The following DNAH6 variants were observed in gnomAD, a reference collection of about 807,000 sequenced individuals.
DNAH6 encodes dynein axonemal heavy chain 6.
DNAH6 carries 340 observed loss-of-function variants against 491.4 expected under a neutral mutation model. That is an observed-to-expected ratio of 0.69 (90% CI 0.63 to 0.76). The LOEUF (loss-of-function observed/expected upper bound fraction) is 0.76, where lower values mean the gene tolerates loss of function less well. DNAH6 is among the 30% of genes least tolerant of loss of function. DNAH6 has a pLI of 0.00. For missense variants in DNAH6, 4,443 were observed against 4,972.2 expected (o/e 0.89, Z 3.20); for synonymous variants, 1,603 against 1,686.1 (o/e 0.95, Z 1.21).
At chr2:84,793,431 G>C (rs1013973582) in intron 68 of DNAH6, among the ~76,000 whole-genome samples, 1 of 152,186 alleles carries the variant, frequency 6.6e-6, no homozygotes, top group Non-Finnish European at 1.5e-5. Flanking sequence ...CTTCTGTGCT[G>C]CTTGTCAAAA....
intron 11 of DNAH6, among the ~76,000 whole-genome samples, chr2:84,561,827 C>G (rs1208638212): frequency 1.3e-5 from 2 of 152,166 alleles, no homozygotes; most frequent in African/African-American, 4.8e-5. Context: ...AAATGCAAAT[C>G]AAAACCACAA....
intron 33 of DNAH6, among the ~76,000 whole-genome samples, chr2:84,643,033 G>A (rs72922764): frequency 0.083 from 12,637 of 152,042 alleles, 1,766 homozygotes; most frequent in African/African-American, 0.29. Context: ...CTAAAGAACT[G>A]CTTTTAACAT....
rs1387567827 is a variant in DNAH6 at position 84,598,154 on chromosome 2, T to TCTTTCTTGCTTG, written c.2868+2372_2868+2373insGCTTGCTTTCTT. ...TTCTTTCTTTCTTTCTTTCTTTCTTTCTTTCTTTCTTTCTTTCTTTCTTTC... is the reference window on the plus strand; with the variant it reads ...TTCTTTCTTTCTTTCTTTCTTTCTTTCTTTCTTGCTTGCTTTCTTTCTTTCTTTCTTTCTTTC... On this transcript the variant is annotated intron_variant, in intron 18 of 76. Coordinates refer to ENST00000389394, the MANE Select transcript of DNAH6 (RefSeq NM_001370.2). Among the ~76,000 whole-genome samples, 8 of 64,860 alleles carry TCTTTCTTGCTTG rather than the reference T, an allele frequency of 1.2e-4. No homozygotes were observed. The East Asian group carries it at 2.1e-3, about 17-fold the overall frequency. The allele number at this position is 64,860 out of a possible 152,430, so 42.6% of individuals were successfully genotyped here.
At chr2:84,674,940 A>C (rs578020546) in intron 40 of DNAH6, among the ~76,000 whole-genome samples, 1 of 152,148 alleles carries the variant, frequency 6.6e-6, no homozygotes, top group Non-Finnish European at 1.5e-5. Flanking sequence ...CATGCCCCAC[A>C]GTCCCACTGA....
chr2:84,710,862 AAAG>A (rs1049485495), intron 56 of DNAH6, among the ~76,000 whole-genome samples: 124 of 152,190 alleles, frequency 8.1e-4, no homozygotes, highest in South Asian at 2.1e-3. Context: ...AAAAAAAAAA[AAAG>A]AAGAAGAGGA....
chr2:84,704,355 T>C, intron 51 of DNAH6, 53 bp downstream of exon 51: 4 of 1,314,902 alleles, frequency 3.0e-6, no homozygotes, highest in African/African-American at 2.9e-5. Flanking sequence ...AGTTCTTTAC[T>C]GTTTTCCTCC....
At position 84,595,743 on chromosome 2, in the gene DNAH6, G is replaced by GT. The variant is rs1294066747; in HGVS notation, c.2823dup (p.Val942CysfsTer21). 2.6e-6 allele frequency: 4 copies of GT among 1,550,798 alleles called. No individual in the cohort carries two copies. In the East Asian group the frequency reaches 7.3e-5, roughly 28 times the overall value. The stretch of plus-strand genomic sequence containing the variant: ...CTGGAAAAAGGCTTGCCACCCAACA[G>GT]TGTAGTGCCCCAGCTCAAATACAAG... On this transcript the variant is annotated frameshift_variant, in exon 18 of 77. Coordinates refer to ENST00000389394, the MANE Select transcript of DNAH6 (RefSeq NM_001370.2). LOFTEE classifies it high-confidence loss of function.
At chr2:84,733,342 A>AT in intron 61 of DNAH6, 102 bp from the exon 62 acceptor site, 1 of 983,780 alleles carries the variant, frequency 1.0e-6, no homozygotes, top group Non-Finnish European at 1.5e-6. Context: ...GAAAATGGTT[A>AT]TTTTAACATA....
At chr2:84,669,575 T>C (rs1278514169) in intron 38 of DNAH6, 65 bp downstream of exon 38, 1 of 1,322,468 alleles carries the variant, frequency 7.6e-7, no homozygotes, top group East Asian at 2.5e-5. Context: ...CTTAGAATCG[T>C]TAGCACCAGA....
At chr2:84,511,061 G>A in the DNAH6 span, among the ~76,000 whole-genome samples, 6 of 152,144 alleles carry the variant, frequency 3.9e-5, no homozygotes, top group Admixed American at 1.3e-4. Flanking sequence ...TTGTCAGATC[G>A]CCAGCTGTGT....
intron 45 of DNAH6, among the ~76,000 whole-genome samples, chr2:84,692,147 T>C (rs1020009197): frequency 6.6e-6 from 1 of 152,216 alleles, no homozygotes; most frequent in Non-Finnish European, 1.5e-5. Context: ...ATGATGTATA[T>C]AGTAACTAAC....
At chr2:84,719,869 AAC>A (rs72442165) in intron 59 of DNAH6, among the ~76,000 whole-genome samples, 6,722 of 144,192 alleles carry the variant, frequency 0.047, 178 homozygotes, top group South Asian at 0.072. Context: ...CTGTACCTCT[AAC>A]ACACACACAC....
At chr2:84,683,142 A>G (rs1693944411) in intron 42 of DNAH6, among the ~76,000 whole-genome samples, 1 of 152,048 alleles carries the variant, frequency 6.6e-6, no homozygotes. Flanking sequence ...AGCTCCTATT[A>G]CCTGTAATCA....
At chr2:84,685,664 G>A (rs1456264092) in intron 43 of DNAH6, among the ~76,000 whole-genome samples, 192 bp downstream of exon 43, 2 of 151,916 alleles carry the variant, frequency 1.3e-5, no homozygotes, top group Non-Finnish European at 2.9e-5. Flanking sequence ...AATTCAGGAA[G>A]GGTCAGTCGG....
the DNAH6 span, among the ~76,000 whole-genome samples, chr2:84,468,451 C>G: frequency 1.3e-5 from 2 of 152,178 alleles, no homozygotes; most frequent in African/African-American, 4.8e-5. Context: ...CTGTTTTTAA[C>G]TAAACTGATT....
chr2:84,580,399 TC>T (rs1338076929), intron 14 of DNAH6, among the ~76,000 whole-genome samples: 1 of 152,128 alleles, frequency 6.6e-6, no homozygotes, highest in Non-Finnish European at 1.5e-5. Flanking sequence ...GGTTTCCTCC[TC>T]TCAGCCTCTT....
chr2:84,692,625 T>G (rs1694980025), intron 45 of DNAH6, among the ~76,000 whole-genome samples: 1 of 152,232 alleles, frequency 6.6e-6, no homozygotes, highest in African/African-American at 2.4e-5. Context: ...AAGAAGAATT[T>G]ATTGATGTTA....
Position 84,640,534 on chromosome 2 carries a change from C to A in DNAH6, c.4926C>A (p.Tyr1642Ter). The A allele has an allele frequency of 1.3e-6, 2 of 1,551,112 alleles. No homozygotes were observed. The highest frequency in any genetic ancestry group is 8.7e-7 in the Non-Finnish European group (1 of 1,146,656). The change falls in exon 32 of 77, where the codon TAC becomes TAA. Residue 1642 changes from tyrosine to a stop codon, truncating the protein, a stop_gained. Coordinates refer to ENST00000389394, the MANE Select transcript of DNAH6 (RefSeq NM_001370.2). LOFTEE classifies it high-confidence loss of function. Reference sequence around the variant, plus strand: ...AGCAGCTGTCTCAGCAGGATCACTACGACTTTGGCATGAGAGCTGTGAAGT... The same window carrying A: ...AGCAGCTGTCTCAGCAGGATCACTAAGACTTTGGCATGAGAGCTGTGAAGT... The part of the protein sequence containing the change: ...CSEQLSQQDH[Y>*]DFGMRAVKSV...
intron 41 of DNAH6, among the ~76,000 whole-genome samples, chr2:84,679,501 C>T (rs771113263): frequency 7.9e-5 from 12 of 152,148 alleles, no homozygotes; most frequent in Admixed American, 6.5e-5. Flanking sequence ...AAAGCTATAA[C>T]GCAGTAACTG....
Sources: gnomAD v4.1 joint callset for allele counts (sites outside exome capture counted in the v4.1 genomes callset) on GRCh38, gnomAD v4.1.1 for gene constraint, MANE v1.5 for transcripts, NCBI Gene and HGNC (gene_info 2026-07-23, HGNC 2026-07-21) for gene names.